PTPN21: variants seen among roughly 807,000 people sequenced by gnomAD.
PTPN21 encodes protein tyrosine phosphatase non-receptor type 21.
PTPN21 carries 77 observed loss-of-function variants against 131.8 expected under a neutral mutation model. That is an observed-to-expected ratio of 0.58 (90% CI 0.49 to 0.71). The LOEUF (loss-of-function observed/expected upper bound fraction) is 0.71, where lower values mean the gene tolerates loss of function less well. Ranked by LOEUF, PTPN21 falls within the 30% of genes least tolerant of loss-of-function variation. The pLI, the probability that PTPN21 is intolerant of heterozygous loss-of-function variation, is 0.00. For missense variants in PTPN21, 1,552 were observed against 1,527.1 expected, an observed-to-expected ratio of 1.02 and a Z score of -0.27; for synonymous variants, 715 against 621.3, an observed-to-expected ratio of 1.15 and a Z score of -2.24.
intron 2 of PTPN21, among the ~76,000 whole-genome samples, chr14:88,526,073 GA>G (rs1185158740): frequency 1.3e-5 from 2 of 152,200 alleles, no homozygotes; most frequent in Admixed American, 6.5e-5. Context: ...TTGAGGCCAG[GA>G]GTTCAAGACT....
At chr14:88,514,038 A>G (rs994313823) in intron 3 of PTPN21, 1 of 152,196 alleles carries the variant, frequency 6.6e-6, no homozygotes, top group Admixed American at 6.5e-5. Context: ...CCTTTCAAGG[A>G]AGTTTTTAGA....
intron 2 of PTPN21, among the ~76,000 whole-genome samples, chr14:88,538,912 C>A (rs923319212): frequency 6.6e-6 from 1 of 152,176 alleles, no homozygotes; most frequent in Non-Finnish European, 1.5e-5. Flanking sequence ...AAAGCACTTA[C>A]AAAAGTGTCT....
chr14:88,479,954 G>GGCTGTAGACCAGCGCCGCGGGCCT lies in PTPN21; in HGVS notation c.1453_1476dup (p.Arg485_Ser492dup). 1 of 1,608,184 alleles carries GGCTGTAGACCAGCGCCGCGGGCCT rather than the reference G, an allele frequency of 6.2e-7. No homozygotes were observed. The highest frequency in any genetic ancestry group is 1.1e-5 in the South Asian group (1 of 91,064). On this transcript the variant is annotated inframe_insertion, in exon 13 of 19. Transcript: ENST00000556564. ...TGTGCGTGCTCGCGGATCTCGGGCT[G>GGCTGTAGACCAGCGCCGCGGGCCT]GCTGTAGACCAGCGCCGCGGGCCTG... is the stretch of plus-strand genomic sequence containing the variant.
chr14:88,512,222 T>C (rs1258354457), intron 3 of PTPN21: 1 of 152,194 alleles, frequency 6.6e-6, no homozygotes, highest in African/African-American at 2.4e-5. Context: ...AGTACTTCAG[T>C]ACATATCCCT....
At chr14:88,513,414 C>T (rs1209580435) in intron 3 of PTPN21, 1 of 152,344 alleles carries the variant, frequency 6.6e-6, no homozygotes, top group East Asian at 1.9e-4. Context: ...ATCCACCCAC[C>T]TTGGCCTCCC....
intron 15 of PTPN21, among the ~76,000 whole-genome samples, chr14:88,471,888 G>A (rs1280937909): frequency 2.0e-5 from 3 of 150,698 alleles, no homozygotes; most frequent in Non-Finnish European, 2.9e-5. Context: ...CTGTCTGGGC[G>A]ACAGAGCAAG....
At chr14:88,511,233 A>G (rs2078175760) in intron 3 of PTPN21, among the ~76,000 whole-genome samples, 1 of 152,034 alleles carries the variant, frequency 6.6e-6, no homozygotes, top group South Asian at 2.1e-4. Flanking sequence ...CGTTTTTCTT[A>G]AAGAAGTATT....
In PTPN21 at chr14:88,479,981, T is replaced by G; in HGVS notation, c.1450A>C (p.Ser484Arg). 6.2e-7 allele frequency: 1 copy of G among 1,611,142 alleles called. No homozygotes were observed. The highest frequency in any genetic ancestry group is 8.5e-7 in the Non-Finnish European group (1 of 1,180,006). ...NLNIGSSYAY[S>R]RPAALVYSQP... The stretch of plus-strand genomic sequence containing the variant: ...CTGTAGACCAGCGCCGCGGGCCTGC[T>G]GTAGGCGTACGAGCTGCCGATGTTG... The change falls in exon 13 of 19, where the codon AGC becomes CGC. Residue 484 changes from serine to arginine, a missense_variant. Ser to Arg is a moderately radical substitution (Grantham distance 110, BLOSUM62 -1). Around this residue, in one of 4 missense-constraint regions of PTPN21, gnomAD observed 1,016 missense variants for 883.5 expected, o/e 1.15. Coordinates refer to ENST00000556564, the MANE Select transcript of PTPN21 (RefSeq NM_007039.4).
chr14:88,502,465 T>C (rs2078024684), intron 6 of PTPN21, among the ~76,000 whole-genome samples: 1 of 152,124 alleles, frequency 6.6e-6, no homozygotes, highest in Non-Finnish European at 1.5e-5. Flanking sequence ...CTGCACTCAT[T>C]ATCTTCTTAT....
chr14:88,479,715 G>C lies in PTPN21; in HGVS notation c.1716C>G (p.Pro572=), dbSNP rs754378211. The change falls in exon 13 of 19, where the codon CCC becomes CCG. Residue 572 remains proline, a synonymous_variant. Transcript: ENST00000556564. ...VYRPPPPYPP[P]RPANSTPDLS... ...GGTCTGGCGTGCTGTTGGCGGGCCT[G>C]GGGGGCGGGTAGGGTGGGGGTGGCC... 8 of 1,515,806 alleles carry C rather than the reference G, an allele frequency of 5.3e-6. No individual in the cohort carries two copies. Among genetic ancestry groups the C allele is most frequent in the South Asian group, 1.3e-5 (1 of 76,410 alleles). The allele number at this position is 1,515,806 out of a possible 1,614,324, so 93.9% of individuals were successfully genotyped here.
intron 4 of PTPN21, among the ~76,000 whole-genome samples, chr14:88,507,030 T>C (rs535734881): frequency 3.2e-4 from 49 of 151,460 alleles, no homozygotes; most frequent in African/African-American, 1.0e-3. Flanking sequence ...GCCTGGTCCA[T>C]AGAGCGAGAC....
At chr14:88,510,274 A>T (rs2078157938) in intron 3 of PTPN21, among the ~76,000 whole-genome samples, 1 of 152,244 alleles carries the variant, frequency 6.6e-6, no homozygotes, top group South Asian at 2.1e-4. Flanking sequence ...TCTTTGTGTT[A>T]CATAATGAAT....
intron 2 of PTPN21, among the ~76,000 whole-genome samples, chr14:88,534,640 G>A (rs1483014993): frequency 1.3e-5 from 2 of 152,124 alleles, no homozygotes; most frequent in Non-Finnish European, 2.9e-5. Context: ...TTAGGAGGCC[G>A]AGGTGGGAGG....
Position 88,504,739 on chromosome 14 carries a change from G to T in PTPN21, c.517-244C>A, listed in dbSNP as rs184834350. 1.2e-3 allele frequency among the ~76,000 whole-genome samples: 176 copies of T among 151,776 alleles called. 4 individuals are homozygous for T. Among genetic ancestry groups the T allele is most frequent in the African/African-American group, 4.0e-3 (166 of 41,408 alleles). On this transcript the variant is annotated intron_variant, in intron 5 of 18. Transcript: ENST00000556564. ...CCAGGGAAAGTTTCAGCTGAGTTAT[G>T]TCAAGTTGGTGACAGTAGTTAGCCA...
At chr14:88,551,685 C>T (rs1267854999) in intron 1 of PTPN21, 1 of 152,272 alleles carries the variant, frequency 6.6e-6, no homozygotes, top group Non-Finnish European at 1.5e-5. Flanking sequence ...CTCCTTACAA[C>T]GTGTTTTATA....
chr14:88,479,210 G>T lies in PTPN21; in HGVS notation c.2221C>A (p.Gln741Lys), dbSNP rs201045212. The change falls in exon 13 of 19, where the codon CAG (glutamine) becomes AAG (lysine). Residue 741 changes from glutamine (Q) to lysine (K), a missense_variant. Gln to Lys is a moderately conservative substitution (Grantham distance 53). Coordinates refer to ENST00000556564, the MANE Select transcript of PTPN21 (RefSeq NM_007039.4). The stretch of plus-strand genomic sequence containing the variant: ...ACGCGAGGGCAGCCAGGTGGGTCCT[G>T]GGCCAGGCCGGGCCGAGGCTCGCGC... The part of the protein sequence containing the change: ...RAREPRPGLA[Q>K]DPPGCPRVLL... The T allele has an allele frequency of 6.3e-6, 10 of 1,594,336 alleles. No homozygotes were observed. The highest frequency in any genetic ancestry group is 8.5e-6 in the Non-Finnish European group (10 of 1,170,864).
chr14:88,550,913 T>C (rs1354668239), intron 1 of PTPN21, among the ~76,000 whole-genome samples: 1 of 152,208 alleles, frequency 6.6e-6, no homozygotes, highest in Non-Finnish European at 1.5e-5. Flanking sequence ...AGTTAGTAAT[T>C]GTGATCCTCT....
At chr14:88,481,341 TC>T (rs1415159134) in intron 12 of PTPN21, among the ~76,000 whole-genome samples, 1 of 152,190 alleles carries the variant, frequency 6.6e-6, no homozygotes, top group Non-Finnish European at 1.5e-5. Flanking sequence ...ACACAGCACT[TC>T]CATGTCACTG....
intron 3 of PTPN21, among the ~76,000 whole-genome samples, chr14:88,510,196 T>C: frequency 6.6e-6 from 1 of 151,634 alleles, no homozygotes; most frequent in East Asian, 1.9e-4. Flanking sequence ...ATATAAAAAA[T>C]CACACCTCAA....
Sources: gnomAD v4.1 joint callset for allele counts (sites outside exome capture counted in the v4.1 genomes callset) on GRCh38, gnomAD v4.1.1 for gene constraint, gnomAD v4.1.1 regional missense constraint, MANE v1.5 for transcripts, NCBI Gene and HGNC (gene_info 2026-07-23, HGNC 2026-07-21) for gene names.